The following RBFOX1 variants were observed in gnomAD, a reference collection of about 807,000 sequenced individuals.
RBFOX1 encodes the protein RNA binding fox-1 homolog 1.
RBFOX1 carries 8 observed loss-of-function variants against 57.7 expected under a neutral mutation model. The ratio of observed to expected loss-of-function variants is 0.14; its 90% CI spans 0.08 to 0.25. RBFOX1 has a LOEUF of 0.25. RBFOX1 is among the 10% of genes least tolerant of loss of function. The pLI is 1.00. For synonymous variants in RBFOX1, 326 were observed against 222.4 expected (o/e 1.47, Z -4.15); for missense variants, 611 against 548.5 (o/e 1.11, Z -1.14).
intron 3 of RBFOX1, among the ~76,000 whole-genome samples, chr16:5,719,867 G>A (rs779842364): frequency 6.6e-6 from 1 of 152,116 alleles, no homozygotes; most frequent in Non-Finnish European, 1.5e-5. Flanking sequence ...ACGAACATTT[G>A]TGAACACGTT....
At chr16:7,123,364 T>G (rs748430574) in intron 4 of RBFOX1, among the ~76,000 whole-genome samples, 2 of 152,022 alleles carry the variant, frequency 1.3e-5, no homozygotes, top group Non-Finnish European at 2.9e-5. Flanking sequence ...TTGTTATTAT[T>G]ATTTATTTAT....
intron 3 of RBFOX1, among the ~76,000 whole-genome samples, chr16:5,752,574 G>A (rs889272618): frequency 6.6e-6 from 1 of 152,166 alleles, no homozygotes; most frequent in African/African-American, 2.4e-5. Flanking sequence ...ATGGGCCATA[G>A]GATCTTATTT....
intron 3 of RBFOX1, among the ~76,000 whole-genome samples, chr16:5,792,323 A>T (rs936185733): frequency 5.0e-4 from 76 of 152,162 alleles, no homozygotes; most frequent in Non-Finnish European, 4.3e-4. Flanking sequence ...CATCACAGCT[A>T]CATATACAGT....
At chr16:6,868,295 T>G (rs957895813) in intron 3 of RBFOX1, among the ~76,000 whole-genome samples, 8 of 152,028 alleles carry the variant, frequency 5.3e-5, no homozygotes, top group African/African-American at 1.9e-4. Context: ...ACACAGAAAG[T>G]GGTTTGCTGA....
chr16:6,433,421 C>A (rs1221736033), intron 2 of RBFOX1, among the ~76,000 whole-genome samples: 1 of 152,236 alleles, frequency 6.6e-6, no homozygotes, highest in Non-Finnish European at 1.5e-5. Context: ...TGTAGCCCAT[C>A]ACCTTTCTCA....
chr16:5,637,834 C>T (rs1284406931), intron 3 of RBFOX1, among the ~76,000 whole-genome samples: 5 of 152,138 alleles, frequency 3.3e-5, no homozygotes, highest in Non-Finnish European at 5.9e-5. Flanking sequence ...CTTAGCCCCA[C>T]TCTGGATTCC....
intron 1 of RBFOX1, among the ~76,000 whole-genome samples, chr16:5,255,868 G>C (rs952401520): frequency 6.6e-6 from 1 of 151,996 alleles, no homozygotes; most frequent in Non-Finnish European, 1.5e-5. Flanking sequence ...CTGCCTCCTA[G>C]CTAGCTGCTT....
At chr16:6,894,339 G>T (rs570411817) in intron 3 of RBFOX1, among the ~76,000 whole-genome samples, 6 of 152,102 alleles carry the variant, frequency 3.9e-5, no homozygotes, top group Non-Finnish European at 8.8e-5. Flanking sequence ...TCTGTGTTCT[G>T]TGTGACTTTG....
At chr16:5,959,085 A>G (rs1221547371) in intron 4 of RBFOX1, among the ~76,000 whole-genome samples, 1 of 152,232 alleles carries the variant, frequency 6.6e-6, no homozygotes, top group Non-Finnish European at 1.5e-5. Context: ...CCTGGCACAG[A>G]GAAAGGCTTG....
intron 1 of RBFOX1, among the ~76,000 whole-genome samples, chr16:6,103,658 A>G (rs1314854602): frequency 6.6e-6 from 1 of 152,116 alleles, no homozygotes; most frequent in East Asian, 1.9e-4. Flanking sequence ...CAAGAGACAG[A>G]AGCAAGAGCC....
At chr16:6,785,396 A>T (rs998031903) in intron 3 of RBFOX1, among the ~76,000 whole-genome samples, 1 of 152,128 alleles carries the variant, frequency 6.6e-6, no homozygotes, top group African/African-American at 2.4e-5. Flanking sequence ...ATTGTTGCTA[A>T]GGAGAGGTCA....
At position 5,792,064 on chromosome 16, in the gene RBFOX1, C is replaced by T. The variant is rs150733244; in HGVS notation, c.319-75239C>T. Among the ~76,000 whole-genome samples, 64 of 152,266 alleles carry T rather than the reference C, an allele frequency of 4.2e-4. 1 individual carries two copies. The East Asian group carries it at 0.012, about 28-fold the overall frequency. On this transcript the variant is annotated intron_variant, in intron 3 of 19. Transcript: ENST00000641259. Reference sequence around the variant, plus strand: ...AGAAGTTGTGTCTTTGCCTATAAAGCAAGCAAATTGGATGGGATGATTTCT... The same window carrying T: ...AGAAGTTGTGTCTTTGCCTATAAAGTAAGCAAATTGGATGGGATGATTTCT...
intron 1 of RBFOX1, among the ~76,000 whole-genome samples, chr16:6,177,361 A>T (rs992766461): frequency 1.3e-5 from 2 of 151,826 alleles, no homozygotes; most frequent in African/African-American, 2.4e-5. Flanking sequence ...ATAATGTATC[A>T]GTTTACTTAA....
chr16:5,896,725 C>G (rs2058172689), intron 4 of RBFOX1, among the ~76,000 whole-genome samples: 1 of 152,134 alleles, frequency 6.6e-6, no homozygotes, highest in Admixed American at 6.6e-5. Flanking sequence ...AGGCATAGCT[C>G]TTCAGGGGAG....
At chr16:5,432,555 G>GTTTTTTTTTTTTTTTTTTTTTTTTT (rs1567502943) in intron 1 of RBFOX1, among the ~76,000 whole-genome samples, 1 of 75,590 alleles carries the variant, frequency 1.3e-5, no homozygotes, top group Non-Finnish European at 2.7e-5. Context: ...TTTTTTGTTT[G>GTTTTTTTTTTTTTTTTTTTTTTTTT]TTTGTTTTTT....
At chr16:6,859,302 G>A (rs745675249) in intron 3 of RBFOX1, among the ~76,000 whole-genome samples, 40 of 149,774 alleles carry the variant, frequency 2.7e-4, no homozygotes, top group African/African-American at 8.9e-4. Context: ...CATCTCATTC[G>A]TTGATAATAT....
intron 1 of RBFOX1, among the ~76,000 whole-genome samples, chr16:6,293,597 A>G (rs11077024): frequency 0.79 from 119,448 of 152,016 alleles, 47,183 homozygotes; most frequent in East Asian, 0.99. Flanking sequence ...GAGGTAGATG[A>G]TTATGTGATA....
intron 1 of RBFOX1, among the ~76,000 whole-genome samples, chr16:6,220,992 C>T (rs1476432878): frequency 1.3e-5 from 2 of 151,610 alleles, no homozygotes; most frequent in African/African-American, 4.9e-5. Flanking sequence ...GTGTGTGTAG[C>T]TATATAACAT....
chr16:5,517,838 A>G (rs1191810540), intron 2 of RBFOX1, among the ~76,000 whole-genome samples: 1 of 133,044 alleles, frequency 7.5e-6, no homozygotes, highest in African/African-American at 2.8e-5. Flanking sequence ...ACTATTTTAC[A>G]TATATGTATA....
Sources: allele counts gnomAD v4.1 joint callset (sites outside exome capture counted in the v4.1 genomes callset), GRCh38; gene constraint gnomAD v4.1.1; transcripts MANE v1.5; gene names NCBI Gene and HGNC (gene_info 2026-07-23, HGNC 2026-07-21).